CACNA1H: variants seen among roughly 807,000 people sequenced by gnomAD.
CACNA1H encodes calcium voltage-gated channel subunit alpha1 H, also known as voltage-dependent T-type calcium channel subunit alpha-1H.
CACNA1H carries 149 observed loss-of-function variants against 192.5 expected under a neutral mutation model. The ratio of observed to expected loss-of-function variants is 0.77; its 90% confidence interval spans 0.68 to 0.89. The LOEUF is 0.89. CACNA1H is among the 40% of genes least tolerant of loss of function. The pLI is 0.00. For synonymous variants in CACNA1H, 2,202 were observed against 1,475.2 expected, an observed-to-expected ratio of 1.49 and a Z score of -11.29; for missense variants, 4,257 against 3,423.5, an observed-to-expected ratio of 1.24 and a Z score of -6.08.
intron 30 of CACNA1H, among the ~76,000 whole-genome samples, chr16:1,216,679 G>A (rs1468140393): frequency 1.3e-5 from 2 of 152,244 alleles, no homozygotes; most frequent in Non-Finnish European, 2.9e-5. Context: ...GAAGAGAGAA[G>A]CCAGTGCGGG....
intron 2 of CACNA1H, among the ~76,000 whole-genome samples, chr16:1,183,030 T>G (rs905162347): frequency 6.6e-6 from 1 of 151,088 alleles, no homozygotes; most frequent in Non-Finnish European, 1.5e-5. Flanking sequence ...GTGAAGGAGG[T>G]CTGGGCCCCA....
intron 2 of CACNA1H, among the ~76,000 whole-genome samples, chr16:1,156,012 G>A (rs954709752): frequency 6.6e-6 from 1 of 152,140 alleles, no homozygotes; most frequent in Non-Finnish European, 1.5e-5. Flanking sequence ...TCTCAGCCTG[G>A]GAAGAACAGA....
intron 2 of CACNA1H, among the ~76,000 whole-genome samples, chr16:1,188,800 A>G (rs1191886144): frequency 6.6e-6 from 1 of 151,940 alleles, no homozygotes; most frequent in Non-Finnish European, 1.5e-5. Flanking sequence ...CCCCTCCTGG[A>G]TGTGTCCCCC....
Position 1,167,828 on chromosome 16 carries a change from G to A in CACNA1H, c.299+13792G>A, listed in dbSNP as rs562414283. On this transcript the variant is annotated intron_variant, in intron 2 of 34. Coordinates refer to ENST00000348261, the MANE Select transcript of CACNA1H (RefSeq NM_021098.3). This position sits in a 1 kb window ranked among gnomAD's most constrained non-coding sequence, Gnocchi z 4.2. ...GTGTGTGCTTAGAAAGTGCACCTGC[G>A]AGGTTGGGGCGTGGCCTGGCCGTCC... Among the ~76,000 whole-genome samples, 7 of 152,220 alleles carry A rather than the reference G, an allele frequency of 4.6e-5. No homozygotes were observed. The highest frequency in any genetic ancestry group is 8.8e-5 in the Non-Finnish European group (6 of 68,038).
chr16:1,183,737 C>G (rs1235401392), intron 2 of CACNA1H, among the ~76,000 whole-genome samples: 1 of 152,214 alleles, frequency 6.6e-6, no homozygotes, highest in African/African-American at 2.4e-5. Context: ...GGGGGCGGCC[C>G]TGGGGGGAGC....
Position 1,153,845 on chromosome 16 carries a change from G to T in CACNA1H, c.108G>T (p.Pro36=). 7.6e-7 allele frequency: 1 copy of T among 1,322,040 alleles called. No homozygotes were observed. The highest frequency in any genetic ancestry group is 9.6e-7 in the Non-Finnish European group (1 of 1,037,468). 81.9% of individuals were successfully genotyped at this position (1,322,040 alleles called of 1,614,324 possible). Residue 36 remains proline (P), a synonymous_variant, in exon 2 of 35, where the codon CCG becomes CCT. Coordinates refer to ENST00000348261, the MANE Select transcript of CACNA1H (RefSeq NM_021098.3). ...CGTCCCCGGAGAGCCCCGGGGCGCC[G>T]GGACGCGAGGCGGAGCGGGGGTCCG... ...VGASPESPGA[P]GREAERGSEL...
At position 1,167,444 on chromosome 16, in the gene CACNA1H, C is replaced by T. The variant is rs140605610; in HGVS notation, c.299+13408C>T. 6.6e-6 allele frequency among the ~76,000 whole-genome samples: 1 copy of T among 152,152 alleles called. No individual in the cohort carries two copies. Among genetic ancestry groups the T allele is most frequent in the Non-Finnish European group, 1.5e-5 (1 of 68,024 alleles). Reference sequence around the variant, plus strand: ...CCATCCGTCCTCTGGAGAATTTCAACACCCACACTTGGAATAAAAAAAAAA... The same window carrying T: ...CCATCCGTCCTCTGGAGAATTTCAATACCCACACTTGGAATAAAAAAAAAA... On this transcript the variant is annotated intron_variant, in intron 2 of 34. Transcript: ENST00000348261. This position sits in a 1 kb window ranked among gnomAD's most constrained non-coding sequence, Gnocchi z 4.2.
Position 1,200,370 on chromosome 16 carries a change from C to A in CACNA1H, c.918C>A (p.Pro306=). ...DNGMQKCSHI[P]GRRELRMPCT... ...GCATGCAGAAGTGCTCGCACATCCC[C>A]GGCCGCCGCGAGCTGCGCATGCCCT... The change falls in exon 7 of 35, where the codon CCC becomes CCA. Residue 306 remains proline, a synonymous_variant. Transcript: ENST00000348261. The A allele has an allele frequency of 6.3e-7, 1 of 1,599,598 alleles. No homozygotes were observed. Among genetic ancestry groups the A allele is most frequent in the Non-Finnish European group, 8.5e-7 (1 of 1,174,102 alleles).
chr16:1,158,363 G>C (rs916047666), intron 2 of CACNA1H, among the ~76,000 whole-genome samples: 2 of 151,854 alleles, frequency 1.3e-5, no homozygotes, highest in African/African-American at 2.4e-5. Context: ...GCCCCCGGGG[G>C]TGACGACAGG....
chr16:1,194,881 C>T lies in CACNA1H; in HGVS notation c.300-91C>T, dbSNP rs540340896. 42 of 934,352 alleles carry T rather than the reference C, an allele frequency of 4.5e-5. 1 individual carries two copies. The South Asian group carries it at 4.7e-4, about 10-fold the overall frequency. 57.9% of individuals were successfully genotyped at this position (934,352 alleles called of 1,614,324 possible). A position where few individuals can be genotyped will look rare whatever the true frequency, so the allele number is the denominator to read the frequency against. On this transcript the variant is annotated intron_variant, in intron 2 of 34. Transcript: ENST00000348261. ...CACCCCCACGCGCGCACACCCGTGG[C>T]GGGGCTCCGGCTGACCGGGTGGGCA...
At chr16:1,171,762 C>A (rs549825199) in intron 2 of CACNA1H, among the ~76,000 whole-genome samples, 1 of 152,204 alleles carries the variant, frequency 6.6e-6, no homozygotes, top group Admixed American at 6.5e-5. Flanking sequence ...CTCCCACCGT[C>A]CACAACTTTG....
Position 1,200,469 on chromosome 16 carries a change from C to T in CACNA1H, c.1017C>T (p.Asn339=), listed in dbSNP as rs753307543. 2.5e-6 allele frequency: 4 copies of T among 1,611,972 alleles called. No individual in the cohort carries two copies. Among genetic ancestry groups the T allele is most frequent in the Admixed American group, 1.7e-5 (1 of 59,992 alleles). The change falls in exon 7 of 35, where the codon AAC becomes AAT. Residue 339 remains asparagine (N), a synonymous_variant. Coordinates refer to ENST00000348261, the MANE Select transcript of CACNA1H (RefSeq NM_021098.3). ...GCGCTGCACGCAACGCCTGCATCAA[C>T]TGGAACCAGTACTACAACGTGTGCC... ...GVGAARNACI[N]WNQYYNVCRS...
chr16:1,157,092 C>A (rs926667398), intron 2 of CACNA1H: 32 of 152,214 alleles, frequency 2.1e-4, no homozygotes, highest in African/African-American at 7.7e-4. Flanking sequence ...CCTGACTCCG[C>A]GTTCGCCTGC....
At chr16:1,196,318 G>C (rs938442929) in intron 5 of CACNA1H, among the ~76,000 whole-genome samples, 1 of 152,274 alleles carries the variant, frequency 6.6e-6, no homozygotes, top group Admixed American at 6.5e-5. Context: ...TCTCTGCATG[G>C]CATCTGGGGC....
chr16:1,212,503 C>T lies in CACNA1H; in HGVS notation c.4760-8C>T, dbSNP rs375086726. 27 of 1,610,820 alleles carry T rather than the reference C, an allele frequency of 1.7e-5. No individual in the cohort carries two copies. In the African/African-American group the frequency reaches 2.0e-4, roughly 12 times the overall value. On this transcript the variant is annotated splice_region_variant and splice_polypyrimidine_tract_variant and intron_variant, in intron 25 of 34. Coordinates refer to ENST00000348261, the MANE Select transcript of CACNA1H (RefSeq NM_021098.3). ...CTCGGCCCTCAGACCATCTCCTTGT[C>T]TTTCCAGGCACTTTCCCCAGCCCAG...
At chr16:1,209,946 G>A (rs1418320447) in intron 17 of CACNA1H, 89 bp from the exon 18 acceptor site, 5 of 936,696 alleles carry the variant, frequency 5.3e-6, no homozygotes, top group Non-Finnish European at 8.1e-6. Context: ...AAGGTGCTGG[G>A]AGGGGTGGCC....
chr16:1,205,278 C>A lies in CACNA1H; in HGVS notation c.2603+13C>A, dbSNP rs201131841. The A allele has an allele frequency of 4.4e-6, 7 of 1,589,334 alleles. No individual in the cohort carries two copies. The highest frequency in any genetic ancestry group is 1.7e-4 in the Middle Eastern group (1 of 6,010). ...TCGTGGTCATCAGGTGGGTCCCCACCCTCTCCCCAGGAAGAGGGGCCCGGG... is the reference window on the plus strand; with the variant it reads ...TCGTGGTCATCAGGTGGGTCCCCACACTCTCCCCAGGAAGAGGGGCCCGGG... On this transcript the variant is annotated intron_variant, in intron 11 of 34. Transcript: ENST00000348261.
intron 2 of CACNA1H, chr16:1,157,014 G>A (rs1962508121): frequency 6.6e-6 from 1 of 152,264 alleles, no homozygotes; most frequent in Non-Finnish European, 1.5e-5. Context: ...TTTATTTATA[G>A]AGAAAGGTGG....
intron 5 of CACNA1H, among the ~76,000 whole-genome samples, chr16:1,196,892 C>T (rs867118914): frequency 1.3e-5 from 2 of 152,148 alleles, no homozygotes; most frequent in Non-Finnish European, 1.5e-5. Flanking sequence ...GCGGCCCCCA[C>T]GAGGCCGTAC....
Sources: allele counts gnomAD v4.1 joint callset (sites outside exome capture counted in the v4.1 genomes callset), GRCh38; gene constraint gnomAD v4.1.1; non-coding constraint Gnocchi (gnomAD v3.1); transcripts MANE v1.5; gene names NCBI Gene and HGNC (gene_info 2026-07-23, HGNC 2026-07-21).